EPSTI1: variants seen among roughly 807,000 people sequenced by gnomAD.
The protein encoded by EPSTI1 is epithelial stromal interaction 1.
In EPSTI1, 66 loss-of-function variants were observed where a neutral mutation model predicts 49.9. That is an observed-to-expected ratio of 1.32 (90% CI 1.08 to 1.62). The LOEUF is 1.62. EPSTI1 is among the 40% of genes most tolerant of loss of function. EPSTI1 has a pLI of 0.00. For missense variants in EPSTI1, 394 were observed against 365.5 expected (o/e 1.08, Z -0.64); for synonymous variants, 137 against 130.7 (o/e 1.05, Z -0.33).
intron 3 of EPSTI1, among the ~76,000 whole-genome samples, chr13:42,964,782 A>G: frequency 6.6e-6 from 1 of 152,202 alleles, no homozygotes; most frequent in East Asian, 1.9e-4. Context: ...TCTTAAACCT[A>G]AAAGAATTTG....
Position 42,970,807 on chromosome 13 carries a change from T to C in EPSTI1, c.189-137A>G. 4.5e-6 allele frequency: 3 copies of C among 669,242 alleles called. No individual in the cohort carries two copies. In the South Asian group the frequency reaches 6.6e-5, roughly 15 times the overall value. The allele number at this position is 669,242 out of a possible 1,614,324, so 41.5% of individuals were successfully genotyped here. Reference sequence around the variant, plus strand: ...TAGGCACTATGAAAGATAATCTTCTTAAGACCCTGATCTGTTCTCTGGGAC... The same window carrying C: ...TAGGCACTATGAAAGATAATCTTCTCAAGACCCTGATCTGTTCTCTGGGAC... On this transcript the variant is annotated intron_variant, in intron 1 of 10. Coordinates refer to ENST00000313624, the MANE Select transcript of EPSTI1 (RefSeq NM_033255.5).
Position 42,886,563 on chromosome 13 carries a change from A to G in EPSTI1, c.*1931T>C, listed in dbSNP as rs2036873421. ...AGCATAGAAATGGTGGAACTTTGGG[A>G]TTTCCTGTCCAGTCACCTGCGAGTC... On this transcript the variant is annotated 3_prime_UTR_variant, in exon 11 of 11. Transcript: ENST00000313624. The G allele has an allele frequency of 6.6e-6, 1 of 151,872 alleles. No individual in the cohort carries two copies. The highest frequency in any genetic ancestry group is 1.5e-5 in the Non-Finnish European group (1 of 67,976). 9.4% of individuals were successfully genotyped at this position (151,872 alleles called of 1,614,324 possible).
intron 1 of EPSTI1, among the ~76,000 whole-genome samples, chr13:42,979,293 A>G (rs895979092): frequency 6.6e-6 from 1 of 152,244 alleles, no homozygotes; most frequent in Non-Finnish European, 1.5e-5. Context: ...AGAAATTTTA[A>G]GCCGGTGGGG....
At chr13:42,955,872 G>T (rs1280264136) in intron 5 of EPSTI1, among the ~76,000 whole-genome samples, 11 of 24,508 alleles carry the variant, frequency 4.5e-4, no homozygotes, top group African/African-American at 1.4e-3. Flanking sequence ...TGATGAAGAA[G>T]TATTTGGGGG....
intron 6 of EPSTI1, among the ~76,000 whole-genome samples, chr13:42,943,707 A>G (rs1281638589): frequency 6.6e-6 from 1 of 152,220 alleles, no homozygotes; most frequent in Non-Finnish European, 1.5e-5. Context: ...TTAATTGCAT[A>G]CAGAGAAAGA....
chr13:42,925,610 C>T (rs2038146993), intron 7 of EPSTI1, among the ~76,000 whole-genome samples: 1 of 152,190 alleles, frequency 6.6e-6, no homozygotes, highest in Admixed American at 6.5e-5. Flanking sequence ...CCTCACCGTT[C>T]CTGCTCATTT....
chr13:42,966,697 G>T (rs1166321330), intron 3 of EPSTI1, among the ~76,000 whole-genome samples: 2 of 83,200 alleles, frequency 2.4e-5, no homozygotes, highest in African/African-American at 3.7e-5. Context: ...GAGGTGGGGG[G>T]GTCAGCCCCC....
At chr13:42,896,503 G>A (rs530018647) in intron 9 of EPSTI1, among the ~76,000 whole-genome samples, 5 of 151,946 alleles carry the variant, frequency 3.3e-5, no homozygotes, top group Admixed American at 1.3e-4. Flanking sequence ...CACCCAAACC[G>A]CTACAAGGCT....
chr13:42,986,744 C>CAAAAAAAAA (rs71099813), intron 1 of EPSTI1, among the ~76,000 whole-genome samples: 1 of 80,814 alleles, frequency 1.2e-5, no homozygotes, highest in Non-Finnish European at 2.1e-5. Context: ...GATTCCATCT[C>CAAAAAAAAA]AAAAAAAAAA....
chr13:42,971,495 GA>G (rs1266649491), intron 1 of EPSTI1, among the ~76,000 whole-genome samples: 1 of 152,164 alleles, frequency 6.6e-6, no homozygotes, highest in African/African-American at 2.4e-5. Context: ...ACAAGAACAT[GA>G]ATACTCCATT....
rs570568875 is a variant in EPSTI1, at chr13:42,910,284, A to G, written c.741+7257T>C. Among the ~76,000 whole-genome samples, 337 of 129,298 alleles carry G rather than the reference A, an allele frequency of 2.6e-3. 3 individuals are homozygous for G. The highest frequency in any genetic ancestry group is 9.0e-3 in the African/African-American group (315 of 34,904). The allele number at this position is 129,298 out of a possible 152,430, so 84.8% of individuals were successfully genotyped here. The stretch of plus-strand genomic sequence containing the variant: ...TTTTTTTTTTTTTTTTTTTTGGAAC[A>G]GAGTTTCGCTCTTGTTGCCCAGGGT... On this transcript the variant is annotated intron_variant, in intron 8 of 10. Coordinates refer to ENST00000313624, the MANE Select transcript of EPSTI1 (RefSeq NM_033255.5).
chr13:42,968,919 A>ATACACACACAC (rs1555268585), intron 3 of EPSTI1, among the ~76,000 whole-genome samples, 175 bp downstream of exon 3: 4 of 54,464 alleles, frequency 7.3e-5, no homozygotes, highest in African/African-American at 2.6e-4. Context: ...AAAAAAAAAA[A>ATACACACACAC]ATACACACAC....
At chr13:42,900,437 A>C in intron 8 of EPSTI1, 54 bp from the exon 9 acceptor site, 2 of 1,506,470 alleles carry the variant, frequency 1.3e-6, no homozygotes, top group Non-Finnish European at 1.8e-6. Context: ...AGTTGTACAG[A>C]AGATACCCAA....
chr13:42,968,722 G>A (rs1225317067), intron 3 of EPSTI1, among the ~76,000 whole-genome samples: 1 of 151,960 alleles, frequency 6.6e-6, no homozygotes, highest in Non-Finnish European at 1.5e-5. Context: ...TAACTGCCAT[G>A]ATTAATATGC....
In EPSTI1 at chr13:42,888,096, C is replaced by T. The variant is rs113458149; in HGVS notation, c.*398G>A. On this transcript the variant is annotated 3_prime_UTR_variant, in exon 11 of 11. Coordinates refer to ENST00000313624, the MANE Select transcript of EPSTI1 (RefSeq NM_033255.5). ...AAGTAGGGATTAAAATCTAAAAAGA[C>T]CCCCAAAGCTTTCAAAACCTGATCT... The T allele has an allele frequency of 1.9e-3, 1,419 of 766,652 alleles. 14 individuals are homozygous for T. In the African/African-American group the frequency reaches 0.026, roughly 14 times the overall value. The allele number at this position is 766,652 out of a possible 1,614,324, so 47.5% of individuals were successfully genotyped here. A position where few individuals can be genotyped will look rare whatever the true frequency, so the allele number is the denominator to read the frequency against.
At position 42,887,902 on chromosome 13, in the gene EPSTI1, G is replaced by A. The variant is rs908199782; in HGVS notation, c.*592C>T. ...TGACAGTACTATATTTGATCTATAC[G>A]GCCTGGAAAAGGGAATTAAAATGAG... On this transcript the variant is annotated 3_prime_UTR_variant, in exon 11 of 11. Transcript: ENST00000313624. 5 of 173,078 alleles carry A rather than the reference G, an allele frequency of 2.9e-5. No homozygotes were observed. The highest frequency in any genetic ancestry group is 1.5e-4 in the South Asian group (1 of 6,542). The allele number at this position is 173,078 out of a possible 1,614,324, so 10.7% of individuals were successfully genotyped here. A position where few individuals can be genotyped will look rare whatever the true frequency, so the allele number is the denominator to read the frequency against.
intron 1 of EPSTI1, among the ~76,000 whole-genome samples, chr13:42,974,173 T>C (rs2039827482): frequency 6.6e-6 from 1 of 150,698 alleles, no homozygotes; most frequent in Non-Finnish European, 1.5e-5. Flanking sequence ...CTGTCTCTAC[T>C]AAAAATACAA....
At chr13:42,963,377 C>A in intron 4 of EPSTI1, 39 bp from the exon 5 acceptor site, 1 of 1,528,328 alleles carries the variant, frequency 6.5e-7, no homozygotes, top group Non-Finnish European at 9.0e-7. Flanking sequence ...AAAACAGTTA[C>A]CATTTTTCAG....
chr13:42,965,091 G>A (rs2039567511), intron 3 of EPSTI1, among the ~76,000 whole-genome samples: 2 of 152,276 alleles, frequency 1.3e-5, no homozygotes, highest in Non-Finnish European at 2.9e-5. Flanking sequence ...CTGCTATTGT[G>A]GGGGATGGGG....
Sources: allele counts gnomAD v4.1 joint callset (sites outside exome capture counted in the v4.1 genomes callset), GRCh38; gene constraint gnomAD v4.1.1; transcripts MANE v1.5; gene names NCBI Gene and HGNC (gene_info 2026-07-23, HGNC 2026-07-21).